The following GCLC variants were observed in gnomAD, a reference collection of about 807,000 sequenced individuals.
GCLC encodes the protein glutamate--cysteine ligase catalytic subunit.
In GCLC, 30 loss-of-function variants were observed where a neutral mutation model predicts 81.5. The observed-to-expected ratio is 0.37, with a 90% CI of 0.28 to 0.50. The LOEUF is 0.50. Among genes scored for constraint, GCLC ranks in the 20% least tolerant of loss-of-function variants. GCLC has a pLI of 0.96. For missense variants in GCLC, 556 were observed against 777.4 expected, an observed-to-expected ratio of 0.72 and a Z score of 3.39; for synonymous variants, 262 against 273.3, an observed-to-expected ratio of 0.96 and a Z score of 0.41.
intron 3 of GCLC, among the ~76,000 whole-genome samples, chr6:53,517,799 C>T (rs1343630673): frequency 4.6e-5 from 7 of 152,172 alleles, no homozygotes; most frequent in African/African-American, 1.7e-4. Flanking sequence ...TCTCCACTAT[C>T]CAAACCGATG....
At chr6:53,519,511 T>C (rs1041545208) in intron 3 of GCLC, among the ~76,000 whole-genome samples, 1 of 149,534 alleles carries the variant, frequency 6.7e-6, no homozygotes, top group Non-Finnish European at 1.5e-5. Flanking sequence ...ACTTTGACGC[T>C]TATGAATCTA....
intron 3 of GCLC, among the ~76,000 whole-genome samples, chr6:53,516,766 G>A (rs1297204911): frequency 6.6e-6 from 1 of 152,092 alleles, no homozygotes; most frequent in Non-Finnish European, 1.5e-5. Flanking sequence ...GTCTCTGCAG[G>A]TGTCCCCATC....
intron 9 of GCLC, 186 bp from the exon 10 acceptor site, chr6:53,507,211 G>A (rs914125272): frequency 1.5e-6 from 1 of 671,190 alleles, no homozygotes; most frequent in African/African-American, 1.8e-5. Flanking sequence ...GGGAGTGTCA[G>A]CGTTTTATTC....
At chr6:53,508,461 C>A in intron 8 of GCLC, 134 bp downstream of exon 8, 3 of 746,256 alleles carry the variant, frequency 4.0e-6, no homozygotes, top group Non-Finnish European at 7.4e-6. Flanking sequence ...AAAATTAACT[C>A]CCCACCTAGA....
chr6:53,521,837 G>A (rs1310258628), intron 2 of GCLC, among the ~76,000 whole-genome samples: 1 of 152,170 alleles, frequency 6.6e-6, no homozygotes, highest in African/African-American at 2.4e-5. Flanking sequence ...AGCCAGGCGT[G>A]GTGGCGGGCG....
chr6:53,508,302 T>C (rs962753849), intron 8 of GCLC, among the ~76,000 whole-genome samples: 1 of 152,114 alleles, frequency 6.6e-6, no homozygotes, highest in Non-Finnish European at 1.5e-5. Flanking sequence ...AATTATACTT[T>C]CCACAGCAGA....
chr6:53,544,665 T>C lies in GCLC; in HGVS notation c.-20A>G. The C allele has an allele frequency of 6.3e-7, 1 of 1,581,216 alleles. No individual in the cohort carries two copies. The highest frequency in any genetic ancestry group is 8.5e-7 in the Non-Finnish European group (1 of 1,171,142). ...CCCCATGGCCGCCCCCTCCTCCTCC[T>C]CCTCCTCCTCCGGGCTGACGGCGGT... is the stretch of plus-strand genomic sequence containing the variant. On this transcript the variant is annotated 5_prime_UTR_variant, in exon 1 of 16. Coordinates refer to ENST00000650454, the MANE Select transcript of GCLC (RefSeq NM_001498.4).
intron 1 of GCLC, among the ~76,000 whole-genome samples, chr6:53,530,846 C>T (rs1763159599): frequency 6.6e-6 from 1 of 151,278 alleles, no homozygotes; most frequent in South Asian, 2.1e-4. Flanking sequence ...GCATTACCAC[C>T]ATCCCTTTCT....
intron 1 of GCLC, among the ~76,000 whole-genome samples, chr6:53,534,269 T>G (rs1396726745): frequency 6.6e-6 from 1 of 152,140 alleles, no homozygotes; most frequent in East Asian, 1.9e-4. Context: ...AACTATGGCT[T>G]AAGAGCAAAG....
chr6:53,534,352 CAGCTTTGG>C (rs1763222400), intron 1 of GCLC, among the ~76,000 whole-genome samples: 1 of 151,926 alleles, frequency 6.6e-6, no homozygotes, highest in African/African-American at 2.4e-5. Context: ...CAATGATAGC[CAGCTTTGG>C]ACAAAGTTTA....
chr6:53,520,399 A>C (rs1762970241), intron 3 of GCLC, among the ~76,000 whole-genome samples: 2 of 152,246 alleles, frequency 1.3e-5, no homozygotes, highest in Admixed American at 1.3e-4. Flanking sequence ...CAACTGTCAC[A>C]GTCACCAGGG....
At chr6:53,520,639 C>A (rs1476200108) in intron 3 of GCLC, 139 bp downstream of exon 3, 2 of 782,684 alleles carry the variant, frequency 2.6e-6, no homozygotes, top group Non-Finnish European at 2.3e-6. Context: ...GTTACAGAGT[C>A]TATCAAGTGC....
At chr6:53,511,803 TG>T (rs1385064737) in intron 6 of GCLC, among the ~76,000 whole-genome samples, 3 of 93,256 alleles carry the variant, frequency 3.2e-5, no homozygotes, top group Non-Finnish European at 6.1e-5. Flanking sequence ...GGGGTGGGGT[TG>T]GGGGTGGAGG....
At chr6:53,503,743 T>C (rs149278868) in intron 12 of GCLC, among the ~76,000 whole-genome samples, 2,161 of 141,684 alleles carry the variant, frequency 0.015, 24 homozygotes, top group Middle Eastern at 0.089. Flanking sequence ...ATTATTTCTT[T>C]GATTATTGTA....
chr6:53,511,020 T>C (rs1173541740), intron 6 of GCLC, among the ~76,000 whole-genome samples: 2 of 152,150 alleles, frequency 1.3e-5, no homozygotes, highest in Non-Finnish European at 2.9e-5. Flanking sequence ...GCATATGGCA[T>C]GAAATTACAT....
In GCLC at chr6:53,506,889, A is replaced by G. The variant is rs1764626146; in HGVS notation, c.1197+24T>C. 1.7e-6 allele frequency: 2 copies of G among 1,194,868 alleles called. No homozygotes were observed. The highest frequency in any genetic ancestry group is 1.5e-5 in the African/African-American group (1 of 66,480). 74.0% of individuals were successfully genotyped at this position (1,194,868 alleles called of 1,614,324 possible). A position where few individuals can be genotyped will look rare whatever the true frequency, so the allele number is the denominator to read the frequency against. Reference sequence around the variant, plus strand: ...CTCTCAGAAGTCAATACATAAATAAATAAAAATAAAACTGAGAAGATACCT... The same window carrying G: ...CTCTCAGAAGTCAATACATAAATAAGTAAAAATAAAACTGAGAAGATACCT... On this transcript the variant is annotated intron_variant, in intron 10 of 15. Coordinates refer to ENST00000650454, the MANE Select transcript of GCLC (RefSeq NM_001498.4). The surrounding 1 kb of genome is among the most constrained non-coding windows in gnomAD (Gnocchi z 4.0).
intron 2 of GCLC, among the ~76,000 whole-genome samples, chr6:53,521,698 G>C (rs1334812849): frequency 6.6e-6 from 1 of 152,126 alleles, no homozygotes. Context: ...ACCAGGCCGG[G>C]TGCGGTGGCT....
At chr6:53,538,020 A>G (rs1763284631) in intron 1 of GCLC, among the ~76,000 whole-genome samples, 7 of 152,120 alleles carry the variant, frequency 4.6e-5, no homozygotes, top group Admixed American at 4.6e-4. Flanking sequence ...GAGAACCTTC[A>G]ATTTGACTCA....
chr6:53,535,289 C>T (rs1031438340), intron 1 of GCLC, among the ~76,000 whole-genome samples: 5 of 152,140 alleles, frequency 3.3e-5, no homozygotes, highest in African/African-American at 4.8e-5. Flanking sequence ...CCAAGGCAGG[C>T]GGACTGCCTG....
Sources: allele counts gnomAD v4.1 joint callset (sites outside exome capture counted in the v4.1 genomes callset), GRCh38; gene constraint gnomAD v4.1.1; non-coding constraint Gnocchi (gnomAD v3.1); transcripts MANE v1.5; gene names NCBI Gene and HGNC (gene_info 2026-07-23, HGNC 2026-07-21).